The following THRAP3 variants were observed in gnomAD, a reference collection of about 807,000 sequenced individuals.
THRAP3 encodes the protein thyroid hormone receptor-associated protein 3.
In THRAP3, 16 loss-of-function variants were observed where a neutral mutation model predicts 101.0. That is an observed-to-expected ratio of 0.16 (90% CI 0.11 to 0.24). The LOEUF (loss-of-function observed/expected upper bound fraction) is 0.24. THRAP3 is among the 10% of genes least tolerant of loss of function. The pLI is 1.00. For missense variants in THRAP3, 989 were observed against 1,202.7 expected, an observed-to-expected ratio of 0.82 and a Z score of 2.63; for synonymous variants, 407 against 422.6, an observed-to-expected ratio of 0.96 and a Z score of 0.45.
chr1:36,212,847 T>G, the THRAP3 span, among the ~76,000 whole-genome samples: 1 of 152,140 alleles, frequency 6.6e-6, no homozygotes, highest in Non-Finnish European at 1.5e-5. Flanking sequence ...GTGCAGAAAT[T>G]ACAACAATGC....
rs869142351 is a variant in THRAP3, at chr1:36,270,577, G to GT, written c.-32+11110dup. On this transcript the variant is annotated intron_variant, in intron 2 of 11. Coordinates refer to ENST00000354618, the MANE Select transcript of THRAP3 (RefSeq NM_005119.4). ...TACAGTTCTATTTGTTTAGGTTTTT[G>GT]TTTTTTTTTTTTTTTTTGAGACGGA... Among the ~76,000 whole-genome samples, 136 of 34,652 alleles carry GT rather than the reference G, an allele frequency of 3.9e-3. 3 individuals carry two copies. The highest frequency in any genetic ancestry group is 7.4e-3 in the African/African-American group (126 of 16,970). 22.7% of individuals were successfully genotyped at this position (34,652 alleles called of 152,430 possible).
upstream of THRAP3, among the ~76,000 whole-genome samples, chr1:36,220,725 G>A (rs1280787082): frequency 8.6e-5 from 13 of 152,038 alleles, no homozygotes; most frequent in South Asian, 4.1e-4. Context: ...AGGCTGAGGC[G>A]GGTGGATCAC....
At chr1:36,233,741 G>C (rs1038618201) in intron 1 of THRAP3, among the ~76,000 whole-genome samples, 3 of 152,002 alleles carry the variant, frequency 2.0e-5, no homozygotes, top group Non-Finnish European at 4.4e-5. Context: ...ACTCTAGCCT[G>C]GGTGACAAAG....
chr1:36,227,619 G>A (rs1411851148), intron 1 of THRAP3, among the ~76,000 whole-genome samples: 1 of 152,078 alleles, frequency 6.6e-6, no homozygotes, highest in Admixed American at 6.6e-5. Flanking sequence ...GGGTTTCAGG[G>A]GTGATTTATG....
chr1:36,277,127 C>A (rs1645671356), intron 2 of THRAP3, among the ~76,000 whole-genome samples: 1 of 151,832 alleles, frequency 6.6e-6, no homozygotes, highest in Non-Finnish European at 1.5e-5. Flanking sequence ...TGCCACCACG[C>A]CTGGCTAATT....
chr1:36,299,446 C>CA (rs949415685), intron 9 of THRAP3, among the ~76,000 whole-genome samples: 6 of 150,460 alleles, frequency 4.0e-5, no homozygotes, highest in African/African-American at 1.5e-4. Context: ...TCAACAACAA[C>CA]AAAAAAAGAC....
intron 1 of THRAP3, among the ~76,000 whole-genome samples, chr1:36,250,061 G>A (rs1645280211): frequency 6.6e-6 from 1 of 151,958 alleles, no homozygotes; most frequent in Admixed American, 6.6e-5. Flanking sequence ...GGTTAAATGG[G>A]TTATTAATCA....
chr1:36,241,653 A>G (rs1570246479), intron 1 of THRAP3, among the ~76,000 whole-genome samples: 1 of 145,952 alleles, frequency 6.9e-6, no homozygotes, highest in Non-Finnish European at 1.5e-5. Flanking sequence ...ATCTTGGCTC[A>G]CTGCAATCTC....
intron 2 of THRAP3, among the ~76,000 whole-genome samples, chr1:36,266,332 G>GACAAAAAACAACAACA (rs1553120937): frequency 6.6e-6 from 1 of 151,942 alleles, no homozygotes; most frequent in African/African-American, 2.4e-5. Flanking sequence ...TCTCAAAAAT[G>GACAAAAAACAACAACA]ACAAACAACA....
At chr1:36,287,988 G>C (rs529703498) in intron 4 of THRAP3, 1 of 958,996 alleles carries the variant, frequency 1.0e-6, no homozygotes, top group Admixed American at 6.2e-5. Context: ...CCAGCAAGTG[G>C]CTCCCCCTTT....
At chr1:36,281,472 C>T (rs1645730651) in intron 2 of THRAP3, among the ~76,000 whole-genome samples, 1 of 152,156 alleles carries the variant, frequency 6.6e-6, no homozygotes, top group Non-Finnish European at 1.5e-5. Flanking sequence ...GGTTACATGT[C>T]AGGTTTTCCA....
At chr1:36,258,876 G>A (rs1281664142) in intron 1 of THRAP3, among the ~76,000 whole-genome samples, 2 of 152,114 alleles carry the variant, frequency 1.3e-5, no homozygotes, top group African/African-American at 4.8e-5. Context: ...TGTTTGTTTT[G>A]GAAAACGCTG....
At chr1:36,270,290 T>G (rs896293244) in intron 2 of THRAP3, among the ~76,000 whole-genome samples, 1 of 152,074 alleles carries the variant, frequency 6.6e-6, no homozygotes, top group Non-Finnish European at 1.5e-5. Flanking sequence ...CTCAGGAGGC[T>G]GAGGTGGGAG....
chr1:36,245,389 G>A (rs764359894), intron 1 of THRAP3, among the ~76,000 whole-genome samples: 13 of 151,330 alleles, frequency 8.6e-5, no homozygotes, highest in Non-Finnish European at 1.8e-4. Flanking sequence ...GGCTGGTCTC[G>A]AACTCCTGAC....
chr1:36,284,934 T>G (rs1645777178), intron 3 of THRAP3, among the ~76,000 whole-genome samples: 1 of 152,248 alleles, frequency 6.6e-6, no homozygotes, highest in Non-Finnish European at 1.5e-5. Flanking sequence ...GGTAAGTTTT[T>G]TTTTAATTGT....
At chr1:36,215,753 CTTTTT>C in the THRAP3 span, among the ~76,000 whole-genome samples, 1 of 145,034 alleles carries the variant, frequency 6.9e-6, no homozygotes, top group Non-Finnish European at 1.5e-5. Flanking sequence ...AGAATATTTT[CTTTTT>C]TTTTTTTTGA....
chr1:36,293,954 C>T lies in THRAP3; in HGVS notation c.2115+19C>T, dbSNP rs776655662. ...CTACAAGGTGAACTGTTGATTTGATCAGTAATTCCAACAAAATGAGTGCGT... is the reference window on the plus strand; with the variant it reads ...CTACAAGGTGAACTGTTGATTTGATTAGTAATTCCAACAAAATGAGTGCGT... On this transcript the variant is annotated intron_variant, in intron 8 of 11. Coordinates refer to ENST00000354618, the MANE Select transcript of THRAP3 (RefSeq NM_005119.4). 3.1e-6 allele frequency: 5 copies of T among 1,607,340 alleles called. No individual in the cohort carries two copies. In the Admixed American group the frequency reaches 5.0e-5, roughly 16 times the overall value.
In THRAP3 at chr1:36,300,973, A is replaced by G; in HGVS notation, c.2391A>G (p.Glu797=). 6.2e-7 allele frequency: 1 copy of G among 1,614,166 alleles called. No individual in the cohort carries two copies. Among genetic ancestry groups the G allele is most frequent in the Non-Finnish European group, 8.5e-7 (1 of 1,180,014 alleles). ...CCTACAAAGCAGAAGAGTACACTGA[A>G]GAGACAGAGGAAAGAGAGGAGAGCA... The part of the protein sequence containing the change: ...SHSYKAEEYT[E]ETEEREESTT... The change falls in exon 10 of 12, where the codon GAA becomes GAG. Residue 797 remains glutamate, a synonymous_variant. Transcript: ENST00000354618.
intron 1 of THRAP3, among the ~76,000 whole-genome samples, chr1:36,250,459 G>A (rs1304960124): frequency 6.6e-5 from 10 of 152,000 alleles, no homozygotes; most frequent in Admixed American, 5.2e-4. Context: ...TGATCCGCCC[G>A]CCTTGGTCTC....
Sources: gnomAD v4.1 joint callset for allele counts (sites outside exome capture counted in the v4.1 genomes callset) on GRCh38, gnomAD v4.1.1 for gene constraint, MANE v1.5 for transcripts, NCBI Gene and HGNC (gene_info 2026-07-23, HGNC 2026-07-21) for gene names.